PRELID1: variants seen among roughly 807,000 people sequenced by gnomAD.
PRELID1 encodes the protein PRELI domain-containing protein 1, mitochondrial.
PRELID1 carries 15 observed loss-of-function variants against 29.0 expected under a neutral mutation model. The ratio of observed to expected loss-of-function variants is 0.52; its 90% confidence interval spans 0.35 to 0.80. The LOEUF is 0.80. Ranked by LOEUF, PRELID1 falls within the 30% of genes least tolerant of loss-of-function variation. PRELID1 has a pLI of 0.01. For missense variants in PRELID1, 187 were observed against 275.9 expected, an observed-to-expected ratio of 0.68 and a Z score of 2.28; for synonymous variants, 79 against 106.5, an observed-to-expected ratio of 0.74 and a Z score of 1.59.
intron 4 of PRELID1, 87 bp from the exon 5 acceptor site, chr5:177,306,335 C>T (rs1204781216): frequency 1.3e-6 from 2 of 1,596,804 alleles, no homozygotes; most frequent in Non-Finnish European, 1.7e-6. Flanking sequence ...TGGAGCCTGG[C>T]CCAGAGGAGA....
At chr5:177,304,557 T>TGGGA in intron 1 of PRELID1, 68 bp from the exon 2 acceptor site, 1 of 1,361,820 alleles carries the variant, frequency 7.3e-7, no homozygotes, top group Non-Finnish European at 1.0e-6. Context: ...AGCCTCCAAA[T>TGGGA]GGGAATCCCC....
At position 177,303,817 on chromosome 5, in the gene PRELID1, TGGCGGC is replaced by T. The variant is rs577990702; in HGVS notation, c.-153_-148del. On this transcript the variant is annotated 5_prime_UTR_variant, in exon 1 of 5. Coordinates refer to ENST00000303204, the MANE Select transcript of PRELID1 (RefSeq NM_013237.4). This position sits in a 1 kb window ranked among gnomAD's most constrained non-coding sequence, Gnocchi z 6.1. ...AAGTGGCGCGCGGCCGGACAACTCATGGCGGCGGCGGCGGCGGCGGCAGCTGCTTGG... is the reference window on the plus strand; with the variant it reads ...AAGTGGCGCGCGGCCGGACAACTCATGGCGGCGGCGGCGGCAGCTGCTTGG... 11 of 463,534 alleles carry T rather than the reference TGGCGGC, an allele frequency of 2.4e-5. No homozygotes were observed. Among genetic ancestry groups the T allele is most frequent in the African/African-American group, 1.9e-4 (9 of 48,154 alleles). 28.7% of individuals were successfully genotyped at this position (463,534 alleles called of 1,614,324 possible).
chr5:177,304,453 G>A (rs1172358313), intron 1 of PRELID1, 172 bp from the exon 2 acceptor site: 6 of 709,156 alleles, frequency 8.5e-6, no homozygotes, highest in Non-Finnish European at 7.6e-6. Context: ...GCGGGAGTGG[G>A]AATTTGCCCT....
At position 177,304,026 on chromosome 5, in the gene PRELID1, C is replaced by A; in HGVS notation, c.41C>A (p.Ser14Tyr). The part of the protein sequence containing the change: ...YFLGQSVLRS[S>Y]WDQVFAAFWQ... Reference sequence around the variant, plus strand: ...CTGGGCCAGAGCGTGCTCCGGAGTTCCTGGGACCAAGTGTTCGCCGCCTTC... The same window carrying A: ...CTGGGCCAGAGCGTGCTCCGGAGTTACTGGGACCAAGTGTTCGCCGCCTTC... The change falls in exon 1 of 5, where the codon TCC becomes TAC. Residue 14 changes from serine (S) to tyrosine (Y), a missense_variant. Ser to Tyr is a moderately radical substitution (Grantham distance 144). Transcript: ENST00000303204. The A allele has an allele frequency of 6.2e-7, 1 of 1,612,114 alleles. No homozygotes were observed. Among genetic ancestry groups the A allele is most frequent in the Non-Finnish European group, 8.5e-7 (1 of 1,179,934 alleles).
At position 177,306,168 on chromosome 5, in the gene PRELID1, A is replaced by C; in HGVS notation, c.503A>C (p.Lys168Thr). 1 of 1,613,754 alleles carries C rather than the reference A, an allele frequency of 6.2e-7. No individual in the cohort carries two copies. The highest frequency in any genetic ancestry group is 8.5e-7 in the Non-Finnish European group (1 of 1,179,642). The change falls in exon 4 of 5, where the codon AAG becomes ACG. Residue 168 changes from lysine to threonine, a missense_variant. By Grantham distance (78) the Lys-to-Thr change is moderately conservative. Transcript: ENST00000303204. The part of the protein sequence containing the change: ...TMKGFEYILA[K>T]LQGEAPSKTL... ...AAGGGTTTTGAATATATCTTGGCTA[A>C]GCTGCAAGGTGAGTTTCTGGGTATG...
intron 2 of PRELID1, among the ~76,000 whole-genome samples, 166 bp downstream of exon 2, chr5:177,305,016 C>T (rs1581585689): frequency 6.6e-6 from 1 of 152,086 alleles, no homozygotes. Flanking sequence ...CTCAGGTTTT[C>T]TTCTTTTCAG....
At chr5:177,306,053 G>T (rs1157797440) in intron 3 of PRELID1, 45 bp from the exon 4 acceptor site, 2 of 1,601,276 alleles carry the variant, frequency 1.2e-6, no homozygotes, top group South Asian at 2.2e-5. Context: ...CTGGGCTGGG[G>T]TCAGTGGGCA....
At position 177,304,336 on chromosome 5, in the gene PRELID1, A is replaced by T. The variant is rs1208417923; in HGVS notation, c.92+259A>T. On this transcript the variant is annotated intron_variant, in intron 1 of 4. Transcript: ENST00000303204. Reference sequence around the variant, plus strand: ...GGCGGCAGTATGGGAGTTGGGAGGGATCTTGGAGTTGGAAATCCTATTTCT... The same window carrying T: ...GGCGGCAGTATGGGAGTTGGGAGGGTTCTTGGAGTTGGAAATCCTATTTCT... The T allele has an allele frequency of 1.0e-5, 6 of 597,722 alleles. No homozygotes were observed. In the African/African-American group the frequency reaches 1.1e-4, roughly 11 times the overall value. 37.0% of individuals were successfully genotyped at this position (597,722 alleles called of 1,614,324 possible). A position where few individuals can be genotyped will look rare whatever the true frequency, so the allele number is the denominator to read the frequency against.
chr5:177,305,295 C>T (rs1243133174), intron 2 of PRELID1, among the ~76,000 whole-genome samples: 1 of 152,098 alleles, frequency 6.6e-6, no homozygotes, highest in South Asian at 2.1e-4. Flanking sequence ...CCACTGCCAC[C>T]TCCTGGGTTT....
At position 177,304,660 on chromosome 5, in the gene PRELID1, A is replaced by T; in HGVS notation, c.128A>T (p.Glu43Val). ...TTGACGGAAGACATAGTACACCGGG[A>T]GGTGACCCCTGACCAGAAACTGCTG... is the stretch of plus-strand genomic sequence containing the variant. Reference protein sequence around the residue: ...HVLTEDIVHREVTPDQKLLSR... With the variant: ...HVLTEDIVHRVVTPDQKLLSR... Residue 43 changes from glutamate to valine, a missense_variant, in exon 2 of 5, where the codon GAG becomes GTG. By Grantham distance (121) the Glu-to-Val change is moderately radical. Coordinates refer to ENST00000303204, the MANE Select transcript of PRELID1 (RefSeq NM_013237.4). 6.2e-7 allele frequency: 1 copy of T among 1,613,914 alleles called. No individual in the cohort carries two copies. Among genetic ancestry groups the T allele is most frequent in the Non-Finnish European group, 8.5e-7 (1 of 1,179,848 alleles).
rs1466557572 is a variant in PRELID1 at position 177,305,847 on chromosome 5, C to T, written c.319-24C>T. ...GTTGGCAAAATGAAAGACTGTTCCACGATTGTGGTTGGCCTCTGCATAGGT... is the reference window on the plus strand; with the variant it reads ...GTTGGCAAAATGAAAGACTGTTCCATGATTGTGGTTGGCCTCTGCATAGGT... On this transcript the variant is annotated intron_variant, in intron 2 of 4. Coordinates refer to ENST00000303204, the MANE Select transcript of PRELID1 (RefSeq NM_013237.4). The T allele has an allele frequency of 1.2e-5, 19 of 1,596,308 alleles. 1 individual carries two copies. The highest frequency in any genetic ancestry group is 2.2e-5 in the East Asian group (1 of 44,808).
Position 177,303,813 on chromosome 5 carries a change from C to T in PRELID1, c.-173C>T, listed in dbSNP as rs1177272122. 6.5e-6 allele frequency: 3 copies of T among 461,036 alleles called. No homozygotes were observed. Among genetic ancestry groups the T allele is most frequent in the African/African-American group, 2.1e-5 (1 of 48,138 alleles). 28.6% of individuals were successfully genotyped at this position (461,036 alleles called of 1,614,324 possible). A position where few individuals can be genotyped will look rare whatever the true frequency, so the allele number is the denominator to read the frequency against. On this transcript the variant is annotated 5_prime_UTR_variant, in exon 1 of 5. Transcript: ENST00000303204. The surrounding 1 kb of genome is among the most constrained non-coding windows in gnomAD (Gnocchi z 6.1). ...CCGGAAGTGGCGCGCGGCCGGACAA[C>T]TCATGGCGGCGGCGGCGGCGGCGGC...
At chr5:177,304,141 A>T in intron 1 of PRELID1, 64 bp downstream of exon 1, 1 of 1,438,420 alleles carries the variant, frequency 7.0e-7, no homozygotes, top group Non-Finnish European at 9.6e-7. Flanking sequence ...ATTATGGGTA[A>T]CCCCCAAGTA....
At chr5:177,305,560 G>A (rs1309474916) in intron 2 of PRELID1, 2 of 339,408 alleles carry the variant, frequency 5.9e-6, no homozygotes, top group South Asian at 3.0e-5. Flanking sequence ...GGTGGAAGGC[G>A]GCTAAAACAC....
intron 1 of PRELID1, 174 bp downstream of exon 1, chr5:177,304,251 TG>T: frequency 1.5e-6 from 1 of 649,306 alleles, no homozygotes; most frequent in East Asian, 2.7e-5. Context: ...TGGGCCTGGG[TG>T]GTGGTTTACT....
rs374353364 is a variant in PRELID1 at position 177,305,315 on chromosome 5, T to G, written c.318+465T>G. Reference sequence around the variant, plus strand: ...GCCACCTCCTGGGTTTAAGCAATTCTCGTGCCTCAGCCTTCTGAAGAGGTG... The same window carrying G: ...GCCACCTCCTGGGTTTAAGCAATTCGCGTGCCTCAGCCTTCTGAAGAGGTG... On this transcript the variant is annotated intron_variant, in intron 2 of 4. Transcript: ENST00000303204. Among the ~76,000 whole-genome samples the G allele has an allele frequency of 7.4e-4, 113 of 152,262 alleles. 1 individual carries two copies. Among genetic ancestry groups the G allele is most frequent in the Middle Eastern group, 3.4e-3 (1 of 294 alleles).
At chr5:177,306,276 C>G in intron 4 of PRELID1, 100 bp downstream of exon 4, 1 of 1,557,836 alleles carries the variant, frequency 6.4e-7, no homozygotes. Context: ...TGAGCTGGGA[C>G]TCCTTGTCTG....
In PRELID1 at chr5:177,303,996, A is replaced by G; in HGVS notation, c.11A>G (p.Tyr4Cys). Residue 4 changes from tyrosine (Y) to cysteine (C), a missense_variant, in exon 1 of 5, where the codon TAT becomes TGT. Transcript: ENST00000303204. This position sits in a 1 kb window ranked among gnomAD's most constrained non-coding sequence, Gnocchi z 6.1. ...GCTTCGGCCGGGACGATGGTGAAGT[A>G]TTTCCTGGGCCAGAGCGTGCTCCGG... MVK[Y>C]FLGQSVLRSS... 1.2e-6 allele frequency: 2 copies of G among 1,610,736 alleles called. No individual in the cohort carries two copies. The highest frequency in any genetic ancestry group is 1.1e-5 in the South Asian group (1 of 91,070).
chr5:177,305,586 G>C (rs1760845582), intron 2 of PRELID1: 1 of 436,430 alleles, frequency 2.3e-6, no homozygotes. Flanking sequence ...GCGTCTAGAT[G>C]CACAAAACAA....
Sources: allele counts gnomAD v4.1 joint callset (sites outside exome capture counted in the v4.1 genomes callset), GRCh38; gene constraint gnomAD v4.1.1; non-coding constraint Gnocchi (gnomAD v3.1); transcripts MANE v1.5; gene names NCBI Gene and HGNC (gene_info 2026-07-23, HGNC 2026-07-21).